Variants in PTPRE observed in about 807,000 individuals in gnomAD.
The protein encoded by PTPRE is protein tyrosine phosphatase receptor type E.
Under a neutral mutation model 102.0 loss-of-function variants are expected in PTPRE, and 51 were observed. The observed-to-expected ratio is 0.50, with a 90% confidence interval of 0.40 to 0.63. The LOEUF is 0.63. Among genes scored for constraint, PTPRE ranks in the 30% least tolerant of loss-of-function variants. The probability of loss-of-function intolerance (pLI) is 0.00; values close to 1 mark genes in which losing one functional copy is unlikely to be tolerated. For missense variants in PTPRE, 752 were observed against 915.1 expected (o/e 0.82, Z 2.30); for synonymous variants, 345 against 348.2 (o/e 0.99, Z 0.10).
At chr10:128,075,447 C>T (rs1417778904) in intron 17 of PTPRE, among the ~76,000 whole-genome samples, 1 of 151,968 alleles carries the variant, frequency 6.6e-6, no homozygotes, top group Non-Finnish European at 1.5e-5. Flanking sequence ...CCCTCACCCT[C>T]CACCCCCCAA....
intron 3 of PTPRE, among the ~76,000 whole-genome samples, chr10:128,043,136 G>A (rs756968203): frequency 5.9e-5 from 9 of 152,122 alleles, no homozygotes; most frequent in Admixed American, 2.0e-4. Context: ...GTGGAATTGG[G>A]GTGGGGGGTG....
chr10:127,978,336 C>T (rs1033954950), intron 1 of PTPRE, among the ~76,000 whole-genome samples: 2 of 151,636 alleles, frequency 1.3e-5, no homozygotes, highest in African/African-American at 4.8e-5. Flanking sequence ...CCCAGGAGTT[C>T]GAGACCAGTC....
chr10:128,047,431 C>G lies in PTPRE; in HGVS notation c.151C>G (p.Leu51Val). 1 of 1,613,258 alleles carries G rather than the reference C, an allele frequency of 6.2e-7. No homozygotes were observed. The highest frequency in any genetic ancestry group is 8.5e-7 in the Non-Finnish European group (1 of 1,180,006). ...PGASQPLLAW[L>V]LLPLLLLLLV... Reference sequence around the variant, plus strand: ...CGCCTCCCAGCCGCTGCTGGCCTGGCTGCTACTGCCGCTGCTGCTCCTCCT... The same window carrying G: ...CGCCTCCCAGCCGCTGCTGGCCTGGGTGCTACTGCCGCTGCTGCTCCTCCT... The change falls in exon 4 of 21, where the codon CTG becomes GTG. Residue 51 changes from leucine to valine, a missense_variant. Coordinates refer to ENST00000254667, the MANE Select transcript of PTPRE (RefSeq NM_006504.6).
rs774423438 is a variant in PTPRE, at chr10:128,085,126, C to T, written c.*2220C>T. The T allele has an allele frequency of 8.8e-5, 40 of 456,126 alleles. No individual in the cohort carries two copies. Among genetic ancestry groups the T allele is most frequent in the African/African-American group, 7.0e-4 (35 of 50,182 alleles). 28.3% of individuals were successfully genotyped at this position (456,126 alleles called of 1,614,324 possible). A position where few individuals can be genotyped will look rare whatever the true frequency, so the allele number is the denominator to read the frequency against. Reference sequence around the variant, plus strand: ...ACGCAAGACTCTCCCCTCCACTGTCCGGGACAGCGTTCGCCCTTTAGCGGG... The same window carrying T: ...ACGCAAGACTCTCCCCTCCACTGTCTGGGACAGCGTTCGCCCTTTAGCGGG... On this transcript the variant is annotated 3_prime_UTR_variant, in exon 21 of 21. Transcript: ENST00000254667.
At chr10:127,965,439 A>G (rs1252739534) in intron 1 of PTPRE, among the ~76,000 whole-genome samples, 1 of 152,112 alleles carries the variant, frequency 6.6e-6, no homozygotes, top group African/African-American at 2.4e-5. Flanking sequence ...GTTTTGTTAT[A>G]AGCCATGTTC....
chr10:127,950,961 G>A (rs932332041), intron 1 of PTPRE, among the ~76,000 whole-genome samples: 3 of 152,056 alleles, frequency 2.0e-5, no homozygotes, highest in East Asian at 1.9e-4. Flanking sequence ...GCCGGGCATC[G>A]TGGCGGGCGC....
At chr10:127,992,857 T>G (rs1852824093) in intron 2 of PTPRE, among the ~76,000 whole-genome samples, 1 of 152,348 alleles carries the variant, frequency 6.6e-6, no homozygotes, top group Non-Finnish European at 1.5e-5. Context: ...TGCCCAGGCA[T>G]TTGTAATAAC....
chr10:128,019,633 C>CCATCCATCCATT (rs577601998), intron 2 of PTPRE, among the ~76,000 whole-genome samples: 6 of 147,252 alleles, frequency 4.1e-5, no homozygotes, highest in African/African-American at 1.6e-4. Flanking sequence ...CTATGTCAGC[C>CCATCCATCCATT]CATTCATTCA....
At chr10:128,032,322 T>C (rs892388218) in intron 2 of PTPRE, among the ~76,000 whole-genome samples, 1 of 152,144 alleles carries the variant, frequency 6.6e-6, no homozygotes, top group Non-Finnish European at 1.5e-5. Context: ...GGCTGAAAAT[T>C]AAACTTTTAA....
intron 2 of PTPRE, among the ~76,000 whole-genome samples, chr10:128,014,707 C>T (rs1280393633): frequency 6.6e-6 from 1 of 152,074 alleles, no homozygotes; most frequent in Non-Finnish European, 1.5e-5. Flanking sequence ...TCAGCAATCC[C>T]CCATCCCCCG....
intron 2 of PTPRE, among the ~76,000 whole-genome samples, chr10:128,001,363 G>A (rs149260105): frequency 0.018 from 2,790 of 152,346 alleles, 32 homozygotes; most frequent in Middle Eastern, 0.031. Flanking sequence ...AAGGCTGATA[G>A]TAAGTAAAGT....
intron 1 of PTPRE, among the ~76,000 whole-genome samples, chr10:127,922,871 C>T (rs1417177153): frequency 6.6e-6 from 1 of 152,228 alleles, no homozygotes; most frequent in Non-Finnish European, 1.5e-5. Flanking sequence ...CTGGCTTTTC[C>T]CATCCTCAGC....
chr10:127,976,983 C>A (rs1392996633), intron 1 of PTPRE, among the ~76,000 whole-genome samples: 1 of 152,190 alleles, frequency 6.6e-6, no homozygotes, highest in African/African-American at 2.4e-5. Flanking sequence ...TCTGTCCATT[C>A]CCCACTACAC....
At chr10:128,019,110 C>T (rs555811183) in intron 2 of PTPRE, among the ~76,000 whole-genome samples, 2 of 152,330 alleles carry the variant, frequency 1.3e-5, no homozygotes, top group South Asian at 4.1e-4. Context: ...TCCCCTGGTC[C>T]CTGGGCCCCC....
At chr10:127,935,123 T>C (rs1006118569) in intron 1 of PTPRE, among the ~76,000 whole-genome samples, 1 of 152,134 alleles carries the variant, frequency 6.6e-6, no homozygotes, top group African/African-American at 2.4e-5. Flanking sequence ...TGACTGACAG[T>C]GCTGTCTCCC....
At chr10:128,006,347 G>C (rs942037627) in intron 2 of PTPRE, among the ~76,000 whole-genome samples, 3 of 152,178 alleles carry the variant, frequency 2.0e-5, no homozygotes, top group African/African-American at 7.2e-5. Flanking sequence ...TCACAGACAA[G>C]GTTCAACCTG....
intron 1 of PTPRE, among the ~76,000 whole-genome samples, chr10:127,910,807 G>T (rs1845818131): frequency 6.6e-6 from 1 of 152,158 alleles, no homozygotes; most frequent in South Asian, 2.1e-4. Context: ...TTTGAGGCCG[G>T]GTGCAATGGT....
intron 1 of PTPRE, among the ~76,000 whole-genome samples, chr10:127,943,976 G>A (rs1235932223): frequency 1.3e-5 from 2 of 152,166 alleles, no homozygotes; most frequent in African/African-American, 4.8e-5. Flanking sequence ...ATTGGGGCTG[G>A]GAAGTCTAAT....
At chr10:127,933,347 A>G (rs2135248893) in intron 1 of PTPRE, among the ~76,000 whole-genome samples, 1 of 152,336 alleles carries the variant, frequency 6.6e-6, no homozygotes, top group South Asian at 2.1e-4. Flanking sequence ...TTCAGAGACA[A>G]TATGTGCTGA....
Sources: allele counts gnomAD v4.1 joint callset (sites outside exome capture counted in the v4.1 genomes callset), GRCh38; gene constraint gnomAD v4.1.1; transcripts MANE v1.5; gene names NCBI Gene and HGNC (gene_info 2026-07-23, HGNC 2026-07-21).